Variants in MLPH observed in about 807,000 individuals in gnomAD.
The protein encoded by MLPH is melanophilin.
A neutral mutation model predicts 72.1 loss-of-function variants in MLPH; 51 were observed. The ratio of observed to expected loss-of-function variants is 0.71; its 90% confidence interval spans 0.56 to 0.89. The LOEUF is 0.89. Ranked by LOEUF, MLPH falls within the 40% of genes least tolerant of loss-of-function variation. MLPH has a pLI of 0.00. For missense variants in MLPH, 743 were observed against 759.9 expected, an observed-to-expected ratio of 0.98 and a Z score of 0.26; for synonymous variants, 301 against 310.1, an observed-to-expected ratio of 0.97 and a Z score of 0.31.
chr2:237,491,222 CT>C (rs2079422924), intron 1 of MLPH, among the ~76,000 whole-genome samples: 1 of 152,208 alleles, frequency 6.6e-6, no homozygotes, highest in African/African-American at 2.4e-5. Flanking sequence ...AAAATTGTGT[CT>C]TTTTGGTGGT....
intron 1 of MLPH, among the ~76,000 whole-genome samples, chr2:237,491,724 C>T (rs2079432557): frequency 6.6e-6 from 1 of 152,158 alleles, no homozygotes; most frequent in Non-Finnish European, 1.5e-5. Context: ...CTCCCTGGTA[C>T]AATTGTTCCT....
intron 4 of MLPH, among the ~76,000 whole-genome samples, chr2:237,516,968 G>T (rs2106312636): frequency 6.6e-6 from 1 of 151,308 alleles, no homozygotes; most frequent in Non-Finnish European, 1.5e-5. Context: ...TAGATAGGTG[G>T]ATGGATGGGC....
chr2:237,518,132 AT>A (rs2080091955), intron 4 of MLPH: 1 of 325,504 alleles, frequency 3.1e-6, no homozygotes, highest in Non-Finnish European at 5.9e-6. Flanking sequence ...GGAGGGATGG[AT>A]GGATGGATGG....
In MLPH at chr2:237,509,070, G is replaced by A. The variant is rs150112143; in HGVS notation, c.111-1504G>A. Among the ~76,000 whole-genome samples the A allele has an allele frequency of 1.8e-3, 280 of 152,272 alleles. 3 individuals carry two copies. The highest frequency in any genetic ancestry group is 6.3e-3 in the African/African-American group (261 of 41,546). ...TTCACTCCTCAGGATCGGAAGCTCC[G>A]GGTCTTGTTGATACGTCCTGGAGTG... On this transcript the variant is annotated intron_variant, in intron 2 of 15. Transcript: ENST00000264605.
chr2:237,535,283 T>G (rs893984744), intron 9 of MLPH, among the ~76,000 whole-genome samples: 1 of 152,104 alleles, frequency 6.6e-6, no homozygotes, highest in African/African-American at 2.4e-5. Flanking sequence ...AATTCATTCC[T>G]TCAATAATGA....
At position 237,512,225 on chromosome 2, in the gene MLPH, G is replaced by A. The variant is rs562439544; in HGVS notation, c.445+1124G>A. ...CCTTCTGGAGAGACACCTTATTCGT[G>A]CCTGTCTCTTAAAGCCTCAAGTTTG... On this transcript the variant is annotated intron_variant, in intron 4 of 15. Coordinates refer to ENST00000264605, the MANE Select transcript of MLPH (RefSeq NM_024101.7). The surrounding 1 kb of genome is among the most constrained non-coding windows in gnomAD (Gnocchi z 5.5). Among the ~76,000 whole-genome samples the A allele has an allele frequency of 6.6e-6, 1 of 152,358 alleles. No individual in the cohort carries two copies. The highest frequency in any genetic ancestry group is 1.5e-5 in the Non-Finnish European group (1 of 68,034).
chr2:237,518,479 C>A, intron 4 of MLPH, 60 bp from the exon 5 acceptor site: 1 of 1,413,972 alleles, frequency 7.1e-7, no homozygotes, highest in Non-Finnish European at 9.8e-7. Flanking sequence ...GATGGGCTGA[C>A]AAATGGCTTG....
chr2:237,524,790 G>A (rs368384289), intron 6 of MLPH, among the ~76,000 whole-genome samples: 1 of 147,114 alleles, frequency 6.8e-6, no homozygotes. Flanking sequence ...GCCCAAGGCC[G>A]GCTTCATAGT....
In MLPH at chr2:237,510,924, T is replaced by TGTGA. The variant is rs2079882449; in HGVS notation, c.333-64_333-63insTGAG. 2 of 1,452,694 alleles carry TGTGA rather than the reference T, an allele frequency of 1.4e-6. No individual in the cohort carries two copies. Among genetic ancestry groups the TGTGA allele is most frequent in the Middle Eastern group, 1.8e-4 (1 of 5,696 alleles). The allele number at this position is 1,452,694 out of a possible 1,614,324, so 90.0% of individuals were successfully genotyped here. A position where few individuals can be genotyped will look rare whatever the true frequency, so the allele number is the denominator to read the frequency against. ...TCGTGTGTGTGTGTGTGTGTGTGTGTGAGATTTATGCAGGCCTGTGTACAG... is the reference window on the plus strand; with the variant it reads ...TCGTGTGTGTGTGTGTGTGTGTGTGTGTGAGAGATTTATGCAGGCCTGTGTACAG... On this transcript the variant is annotated intron_variant, in intron 3 of 15. Coordinates refer to ENST00000264605, the MANE Select transcript of MLPH (RefSeq NM_024101.7). This position sits in a 1 kb window ranked among gnomAD's most constrained non-coding sequence, Gnocchi z 4.4.
At chr2:237,488,230 G>A (rs1305119247) in intron 1 of MLPH, among the ~76,000 whole-genome samples, 3 of 152,152 alleles carry the variant, frequency 2.0e-5, no homozygotes, top group Admixed American at 2.0e-4. Flanking sequence ...ATGACAGTCG[G>A]GGGAGAGCAA....
At chr2:237,534,679 C>A (rs765041504) in intron 9 of MLPH, 32 bp downstream of exon 9, 6 of 1,534,638 alleles carry the variant, frequency 3.9e-6, no homozygotes, top group South Asian at 2.2e-5. Context: ...AGAGAAAGGG[C>A]CCCCACAGCT....
Position 237,520,020 on chromosome 2 carries a change from C to A in MLPH, c.666C>A (p.Asp222Glu). 1 of 1,613,932 alleles carries A rather than the reference C, an allele frequency of 6.2e-7. No individual in the cohort carries two copies. Among genetic ancestry groups the A allele is most frequent in the East Asian group, 2.2e-5 (1 of 44,864 alleles). The change falls in exon 6 of 16, where the codon GAC (aspartate) becomes GAA (glutamate). Residue 222 changes from aspartate to glutamate, a missense_variant. Physicochemically the swap from Asp to Glu is conservative, Grantham distance 45. Coordinates refer to ENST00000264605, the MANE Select transcript of MLPH (RefSeq NM_024101.7). ...TGTCCTCAGTCCCTGAGGCCAGGGACAGCCCACAGGTCAGTGGGTCCTCGT... is the reference window on the plus strand; with the variant it reads ...TGTCCTCAGTCCCTGAGGCCAGGGAAAGCCCACAGGTCAGTGGGTCCTCGT... ...LHLSSVPEAR[D>E]SPQSLTDESC...
chr2:237,497,807 T>G (rs535653883), intron 2 of MLPH, among the ~76,000 whole-genome samples: 12 of 152,354 alleles, frequency 7.9e-5, no homozygotes, highest in African/African-American at 2.9e-4. Flanking sequence ...AATCCCGTTC[T>G]CTGTAGCGTC....
chr2:237,527,987 T>C (rs1486280779), intron 8 of MLPH, among the ~76,000 whole-genome samples: 1 of 152,222 alleles, frequency 6.6e-6, no homozygotes, highest in Non-Finnish European at 1.5e-5. Context: ...AGACCATGGA[T>C]GAACCTGGAG....
rs13385503 is a variant in MLPH, at chr2:237,496,374, C to A, written c.110+2838C>A. On this transcript the variant is annotated intron_variant, in intron 2 of 15. Coordinates refer to ENST00000264605, the MANE Select transcript of MLPH (RefSeq NM_024101.7). ...TGCTCCAGTCCAGGCTTATCTGAAG[C>A]GGGTTTAGCAGAAACCCCCATGCGT... Among the ~76,000 whole-genome samples the A allele has an allele frequency of 3.9e-5, 6 of 152,180 alleles. No homozygotes were observed. In the East Asian group the frequency reaches 9.7e-4, roughly 25 times the overall value.
At chr2:237,515,655 T>C (rs1349129889) in intron 4 of MLPH, among the ~76,000 whole-genome samples, 1 of 151,958 alleles carries the variant, frequency 6.6e-6, no homozygotes, top group East Asian at 1.9e-4. Flanking sequence ...AGTGCCTGCA[T>C]CCCCCACAAC....
At chr2:237,508,171 A>G (rs934727218) in intron 2 of MLPH, among the ~76,000 whole-genome samples, 1 of 152,026 alleles carries the variant, frequency 6.6e-6, no homozygotes, top group Non-Finnish European at 1.5e-5. Context: ...GAGTGCAGTG[A>G]CACAATCTCG....
intron 4 of MLPH, among the ~76,000 whole-genome samples, chr2:237,516,943 A>ATGGATG (rs1559350591): frequency 1.2e-5 from 1 of 85,060 alleles, no homozygotes; most frequent in Admixed American, 1.2e-4. Context: ...ATGGATGGAT[A>ATGGATG]GGTGGATAGG....
At position 237,510,033 on chromosome 2, in the gene MLPH, C is replaced by T; in HGVS notation, c.111-541C>T. ...TCAACTTGGCAGGTTCACCAGGAAG[C>T]TGTGTTATTTAAACTCGGATGGTCT... On this transcript the variant is annotated intron_variant, in intron 2 of 15. Transcript: ENST00000264605. The surrounding 1 kb of genome is among the most constrained non-coding windows in gnomAD (Gnocchi z 4.4). 5.9e-6 allele frequency: 1 copy of T among 168,698 alleles called. No homozygotes were observed. The highest frequency in any genetic ancestry group is 1.5e-4 in the South Asian group (1 of 6,566). 10.5% of individuals were successfully genotyped at this position (168,698 alleles called of 1,614,324 possible).
Sources: allele counts gnomAD v4.1 joint callset (sites outside exome capture counted in the v4.1 genomes callset), GRCh38; gene constraint gnomAD v4.1.1; non-coding constraint Gnocchi (gnomAD v3.1); transcripts MANE v1.5; gene names NCBI Gene and HGNC (gene_info 2026-07-23, HGNC 2026-07-21).